The following PKN2 variants were observed in gnomAD, a reference collection of about 807,000 sequenced individuals.
The protein encoded by PKN2 is serine/threonine-protein kinase N2.
In PKN2, 38 loss-of-function variants were observed where a neutral mutation model predicts 119.1. The ratio of observed to expected loss-of-function variants is 0.32; its 90% CI spans 0.25 to 0.42. The LOEUF is 0.42. Among genes scored for constraint, PKN2 ranks in the 10% least tolerant of loss-of-function variants. PKN2 has a pLI of 1.00. For missense variants in PKN2, 850 were observed against 1,165.1 expected (o/e 0.73, Z 3.94); for synonymous variants, 390 against 384.9 (o/e 1.01, Z -0.15).
At chr1:88,745,379 A>G (rs932453519) in intron 2 of PKN2, among the ~76,000 whole-genome samples, 1 of 152,208 alleles carries the variant, frequency 6.6e-6, no homozygotes, top group African/African-American at 2.4e-5. Context: ...TAAAGACTCC[A>G]CCATAAAGCT....
chr1:88,794,880 AC>A (rs1670998286), intron 8 of PKN2, among the ~76,000 whole-genome samples: 1 of 152,062 alleles, frequency 6.6e-6, no homozygotes, highest in Non-Finnish European at 1.5e-5. Flanking sequence ...TTATCTTTAT[AC>A]CTACCTGCTG....
intron 7 of PKN2, among the ~76,000 whole-genome samples, chr1:88,785,282 C>T (rs776867169): frequency 1.3e-5 from 2 of 152,094 alleles, no homozygotes; most frequent in Non-Finnish European, 2.9e-5. Flanking sequence ...GCATATGCCA[C>T]CATGCCTGGC....
At chr1:88,817,680 G>A (rs1207367360) in intron 16 of PKN2, among the ~76,000 whole-genome samples, 5 of 149,472 alleles carry the variant, frequency 3.3e-5, no homozygotes, top group Non-Finnish European at 7.4e-5. Flanking sequence ...CAGCACTCCA[G>A]TCTGGGCGAC....
chr1:88,810,614 A>G (rs1395579699), intron 15 of PKN2, among the ~76,000 whole-genome samples: 1 of 151,864 alleles, frequency 6.6e-6, no homozygotes, highest in Non-Finnish European at 1.5e-5. Context: ...TACTTTATCT[A>G]TATATTTTTT....
chr1:88,716,704 G>A (rs1427049558), intron 1 of PKN2, among the ~76,000 whole-genome samples: 3 of 151,920 alleles, frequency 2.0e-5, no homozygotes, highest in Non-Finnish European at 4.4e-5. Context: ...ACATGAGATG[G>A]GTCTCCTGAA....
intron 6 of PKN2, among the ~76,000 whole-genome samples, chr1:88,780,441 C>T (rs969251356): frequency 1.3e-5 from 2 of 152,180 alleles, no homozygotes; most frequent in African/African-American, 4.8e-5. Context: ...AACTATTTAT[C>T]TTTCCAGTCA....
rs936348699 is a variant in PKN2, at chr1:88,716,211, A to T, written c.49-24777A>T. ...ATTTGCTGAGGAGTGCTTTACTTCC[A>T]ACTATGTGGTCAATTTTGGAATAAG... On this transcript the variant is annotated intron_variant, in intron 1 of 21. Coordinates refer to ENST00000370521, the MANE Select transcript of PKN2 (RefSeq NM_006256.4). Among the ~76,000 whole-genome samples, 4 of 152,288 alleles carry T rather than the reference A, an allele frequency of 2.6e-5. No homozygotes were observed. In the South Asian group the frequency reaches 8.3e-4, roughly 32 times the overall value.
intron 1 of PKN2, among the ~76,000 whole-genome samples, chr1:88,705,910 C>T (rs1246685257): frequency 9.9e-5 from 15 of 151,940 alleles, no homozygotes; most frequent in South Asian, 6.2e-4. Context: ...TTATAAGTCT[C>T]GGAATCTGGG....
rs1289648173 is a variant in PKN2 at position 88,834,087 on chromosome 1, A to G, written c.*639A>G. ...TTTTTATCAATCATGTAACAGGCTT[A>G]TAGCTTTCCAACAGAGCTGCTTGCC... On this transcript the variant is annotated 3_prime_UTR_variant, in exon 22 of 22. Transcript: ENST00000370521. 2 of 152,064 alleles carry G rather than the reference A, an allele frequency of 1.3e-5. No homozygotes were observed. Among genetic ancestry groups the G allele is most frequent in the Non-Finnish European group, 2.9e-5 (2 of 67,968 alleles). The allele number at this position is 152,064 out of a possible 1,614,324, so 9.4% of individuals were successfully genotyped here. A position where few individuals can be genotyped will look rare whatever the true frequency, so the allele number is the denominator to read the frequency against.
At chr1:88,702,197 T>G (rs66492935) in intron 1 of PKN2, among the ~76,000 whole-genome samples, 13,160 of 152,090 alleles carry the variant, frequency 0.087, 1,284 homozygotes, top group African/African-American at 0.24. Context: ...GAGCCCAGGT[T>G]ATCTGCTGTC....
At chr1:88,716,423 AGTC>A (rs1186415808) in intron 1 of PKN2, among the ~76,000 whole-genome samples, 1 of 152,124 alleles carries the variant, frequency 6.6e-6, no homozygotes. Flanking sequence ...ATTGTGTGGG[AGTC>A]TAAGTCTCTT....
At chr1:88,801,602 T>A (rs1671313872) in intron 8 of PKN2, among the ~76,000 whole-genome samples, 1 of 152,094 alleles carries the variant, frequency 6.6e-6, no homozygotes, top group African/African-American at 2.4e-5. Context: ...ACCCTCCCAC[T>A]TATGTTGTGA....
chr1:88,705,135 T>C (rs1028047266), intron 1 of PKN2, among the ~76,000 whole-genome samples: 4 of 149,946 alleles, frequency 2.7e-5, no homozygotes, highest in Non-Finnish European at 5.9e-5. Context: ...TTTCTTTTCT[T>C]TTTTTTTTTA....
At chr1:88,811,430 A>G (rs1278519950) in intron 15 of PKN2, among the ~76,000 whole-genome samples, 2 of 152,230 alleles carry the variant, frequency 1.3e-5, no homozygotes, top group Non-Finnish European at 2.9e-5. Context: ...ACATGTTAGG[A>G]TAGAACTAGT....
chr1:88,790,593 T>C (rs1670784911), intron 8 of PKN2, among the ~76,000 whole-genome samples: 1 of 152,196 alleles, frequency 6.6e-6, no homozygotes, highest in African/African-American at 2.4e-5. Context: ...CTCTAAAAAC[T>C]TTTAAGATTT....
At chr1:88,771,639 A>G (rs1213079299) in intron 5 of PKN2, 24 bp from the exon 6 acceptor site, 16 of 1,602,548 alleles carry the variant, frequency 1.0e-5, no homozygotes, top group African/African-American at 1.3e-5. Context: ...TTAAATGACA[A>G]CAATTGTCTT....
intron 16 of PKN2, among the ~76,000 whole-genome samples, chr1:88,820,116 A>G (rs1557634659): frequency 6.8e-6 from 1 of 148,124 alleles, no homozygotes; most frequent in South Asian, 2.1e-4. Context: ...CATTCTGCAC[A>G]TGTATCCCAG....
At chr1:88,772,743 C>T (rs1344835306) in intron 6 of PKN2, among the ~76,000 whole-genome samples, 1 of 152,098 alleles carries the variant, frequency 6.6e-6, no homozygotes, top group East Asian at 1.9e-4. Flanking sequence ...TTTTGAGGAA[C>T]TGTCAAACTG....
chr1:88,832,889 T>A, intron 20 of PKN2, 38 bp downstream of exon 20: 1 of 1,322,436 alleles, frequency 7.6e-7, no homozygotes, highest in Non-Finnish European at 1.1e-6. Context: ...TTTTAAAGAC[T>A]ACTTTAATTT....
Sources: gnomAD v4.1 joint callset for allele counts (sites outside exome capture counted in the v4.1 genomes callset) on GRCh38, gnomAD v4.1.1 for gene constraint, MANE v1.5 for transcripts, NCBI Gene and HGNC (gene_info 2026-07-23, HGNC 2026-07-21) for gene names.